The following RASSF2 variants were observed in gnomAD, a reference collection of about 807,000 sequenced individuals.
RASSF2 encodes Ras association domain family member 2.
In RASSF2, 34 loss-of-function variants were observed where a neutral mutation model predicts 46.3. The ratio of observed to expected loss-of-function variants is 0.73; its 90% CI spans 0.56 to 0.98. RASSF2 has a LOEUF of 0.98. Among genes scored for constraint, RASSF2 ranks in the 50% least tolerant of loss-of-function variants. The pLI, the probability that RASSF2 is intolerant of heterozygous loss-of-function variation, is 0.00. For synonymous variants in RASSF2, 158 were observed against 162.5 expected (o/e 0.97, Z 0.21); for missense variants, 364 against 431.2 (o/e 0.84, Z 1.38).
At chr20:4,806,749 C>A (rs1417838503) in intron 2 of RASSF2, among the ~76,000 whole-genome samples, 2 of 152,164 alleles carry the variant, frequency 1.3e-5, no homozygotes, top group Non-Finnish European at 1.5e-5. Context: ...CCGGTCCATT[C>A]TTGGTTCTTC....
chr20:4,794,364 T>C (rs1311893898), intron 5 of RASSF2, among the ~76,000 whole-genome samples: 1 of 151,500 alleles, frequency 6.6e-6, no homozygotes, highest in African/African-American at 2.4e-5. Context: ...AGGTCATGAG[T>C]TCAAGACCAG....
intron 2 of RASSF2, among the ~76,000 whole-genome samples, chr20:4,815,548 G>A (rs1005840414): frequency 6.6e-6 from 1 of 152,172 alleles, no homozygotes; most frequent in East Asian, 1.9e-4. Context: ...ACACACAAAG[G>A]ATGCTTGAAA....
Position 4,822,647 on chromosome 20 carries a change from C to G in RASSF2, c.-107-244G>C, listed in dbSNP as rs914539256. 4.6e-5 allele frequency among the ~76,000 whole-genome samples: 7 copies of G among 152,250 alleles called. 1 individual carries two copies. The South Asian group carries it at 1.4e-3, about 31-fold the overall frequency. On this transcript the variant is annotated intron_variant, in intron 1 of 11. Transcript: ENST00000379400. The stretch of plus-strand genomic sequence containing the variant: ...GGGGCCGCCCACGGCACCTGCCTCG[C>G]TCGGGGCGAGAGAAGACGCCAGGCT...
chr20:4,814,136 A>G (rs961655257), intron 2 of RASSF2, among the ~76,000 whole-genome samples: 1 of 152,162 alleles, frequency 6.6e-6, no homozygotes. Flanking sequence ...GAGCAAGGTA[A>G]GCTTTCCTCC....
chr20:4,792,686 G>GC (rs1926003368), intron 5 of RASSF2, 59 bp from the exon 6 acceptor site: 1 of 1,571,758 alleles, frequency 6.4e-7, no homozygotes, highest in African/African-American at 1.4e-5. Context: ...GTGGAGAGAC[G>GC]CCCCCGCACC....
chr20:4,786,749 TC>T (rs1486824064), intron 10 of RASSF2, among the ~76,000 whole-genome samples: 1 of 152,144 alleles, frequency 6.6e-6, no homozygotes, highest in East Asian at 1.9e-4. Flanking sequence ...AAATATGAAC[TC>T]GCTTTGGAGA....
chr20:4,809,420 A>G (rs373965535), intron 2 of RASSF2, among the ~76,000 whole-genome samples: 8 of 152,092 alleles, frequency 5.3e-5, no homozygotes, highest in Admixed American at 6.5e-5. Flanking sequence ...ACCTCCCCCT[A>G]TAAATGACCC....
intron 2 of RASSF2, among the ~76,000 whole-genome samples, chr20:4,814,730 G>A (rs1379353283): frequency 3.9e-5 from 6 of 152,170 alleles, no homozygotes; most frequent in Admixed American, 6.5e-5. Flanking sequence ...ATCCAACAAC[G>A]TGTGCGGGGA....
intron 2 of RASSF2, among the ~76,000 whole-genome samples, chr20:4,816,563 T>A (rs903211429): frequency 2.0e-5 from 3 of 152,160 alleles, no homozygotes; most frequent in Admixed American, 1.3e-4. Context: ...ACGTTGTGAA[T>A]GGAGTTAATG....
rs567929456 is a variant in RASSF2 at position 4,781,233 on chromosome 20, G to GC, written c.*3039_*3040insG. On this transcript the variant is annotated 3_prime_UTR_variant, in exon 12 of 12. Coordinates refer to ENST00000379400, the MANE Select transcript of RASSF2 (RefSeq NM_014737.3). ...TTTTGCATGGAAAACAGATATTTTGGGGGGGGCATTATATGCTACCGATAT... is the reference window on the plus strand; with the variant it reads ...TTTTGCATGGAAAACAGATATTTTGGCGGGGGGCATTATATGCTACCGATAT... 19 of 141,566 alleles carry GC rather than the reference G, an allele frequency of 1.3e-4. No individual in the cohort carries two copies. The highest frequency in any genetic ancestry group is 1.3e-4 in the Admixed American group (2 of 14,880). The allele number at this position is 141,566 out of a possible 1,614,324, so 8.8% of individuals were successfully genotyped here.
At chr20:4,820,710 G>A (rs930295031) in intron 2 of RASSF2, among the ~76,000 whole-genome samples, 2 of 152,056 alleles carry the variant, frequency 1.3e-5, no homozygotes, top group African/African-American at 4.8e-5. Context: ...ACAGATTGAA[G>A]ATAGAGGCTA....
intron 2 of RASSF2, among the ~76,000 whole-genome samples, chr20:4,819,771 T>G (rs1235889241): frequency 6.6e-6 from 1 of 152,204 alleles, no homozygotes; most frequent in Non-Finnish European, 1.5e-5. Context: ...AAATCTACTT[T>G]GCCAAATCAC....
rs1176166468 is a variant in RASSF2 at position 4,795,099 on chromosome 20, C to G, written c.287+716G>C. On this transcript the variant is annotated intron_variant, in intron 5 of 11. Transcript: ENST00000379400. This position sits in a 1 kb window ranked among gnomAD's most constrained non-coding sequence, Gnocchi z 4.0. ...GATGGAGACAGGCTAGTCACTTGAT[C>G]CTAAAACTCAAGTCCCAGAAAGACA... 6.6e-6 allele frequency among the ~76,000 whole-genome samples: 1 copy of G among 152,218 alleles called. No individual in the cohort carries two copies. The highest frequency in any genetic ancestry group is 2.4e-5 in the African/African-American group (1 of 41,456).
At chr20:4,820,022 T>TA (rs1928588101) in intron 2 of RASSF2, among the ~76,000 whole-genome samples, 1 of 152,138 alleles carries the variant, frequency 6.6e-6, no homozygotes, top group Admixed American at 6.6e-5. Context: ...CCAGAAGTGA[T>TA]AAAAAATGAC....
At chr20:4,788,979 G>C (rs1925611271) in intron 8 of RASSF2, among the ~76,000 whole-genome samples, 1 of 152,110 alleles carries the variant, frequency 6.6e-6, no homozygotes, top group African/African-American at 2.4e-5. Flanking sequence ...CCAACTAGCA[G>C]GTGCTCAGTG....
chr20:4,794,771 T>C (rs1463779460), intron 5 of RASSF2, among the ~76,000 whole-genome samples: 1 of 152,152 alleles, frequency 6.6e-6, no homozygotes, highest in Non-Finnish European at 1.5e-5. Context: ...CCTGCAAAGT[T>C]AGATGAAACC....
chr20:4,808,804 C>T (rs1457241796), intron 2 of RASSF2, among the ~76,000 whole-genome samples: 1 of 152,166 alleles, frequency 6.6e-6, no homozygotes, highest in Admixed American at 6.5e-5. Flanking sequence ...TATGGAGCTG[C>T]TCTTTGGAAG....
rs749656544 is a variant in RASSF2 at position 4,800,997 on chromosome 20, A to C, written c.34T>G (p.Cys12Gly). ...DYSHQTSLVPCGQDKYISKNE... is the reference protein window; with the variant it reads ...DYSHQTSLVPGGQDKYISKNE... ...TTGGAAATGTATTTATCTTGTCCAC[A>C]TGGGACTAGGGACGTTTGGTGGCTG... The change falls in exon 3 of 12, where the codon TGT becomes GGT. Residue 12 changes from cysteine (C) to glycine (G), a missense_variant. Physicochemically the swap from Cys to Gly is radical, Grantham distance 159 (BLOSUM62 -3). Coordinates refer to ENST00000379400, the MANE Select transcript of RASSF2 (RefSeq NM_014737.3). The C allele has an allele frequency of 6.2e-7, 1 of 1,613,296 alleles. No homozygotes were observed. Among genetic ancestry groups the C allele is most frequent in the Non-Finnish European group, 8.5e-7 (1 of 1,179,306 alleles).
Position 4,780,801 on chromosome 20 carries a change from C to T in RASSF2, c.*3472G>A, listed in dbSNP as rs1924734255. 1 of 152,132 alleles carries T rather than the reference C, an allele frequency of 6.6e-6. No individual in the cohort carries two copies. Among genetic ancestry groups the T allele is most frequent in the Non-Finnish European group, 1.5e-5 (1 of 68,044 alleles). 9.4% of individuals were successfully genotyped at this position (152,132 alleles called of 1,614,324 possible). On this transcript the variant is annotated 3_prime_UTR_variant, in exon 12 of 12. Coordinates refer to ENST00000379400, the MANE Select transcript of RASSF2 (RefSeq NM_014737.3). ...CCAAGATGGTGAAACCCCACCTCTA[C>T]TAAAACCACACAAAAAAATTAGCCG...
Sources: allele counts gnomAD v4.1 joint callset (sites outside exome capture counted in the v4.1 genomes callset), GRCh38; gene constraint gnomAD v4.1.1; non-coding constraint Gnocchi (gnomAD v3.1); transcripts MANE v1.5; gene names NCBI Gene and HGNC (gene_info 2026-07-23, HGNC 2026-07-21).